The following BABAM2 variants were observed in gnomAD, a reference collection of about 807,000 sequenced individuals.
BABAM2 encodes BRISC and BRCA1 A complex member 2, also known as BRISC and BRCA1-A complex member 2.
In BABAM2, 31 loss-of-function variants were observed where a neutral mutation model predicts 54.7. That is an observed-to-expected ratio of 0.57 (90% CI 0.43 to 0.77). BABAM2 has a LOEUF of 0.77. Ranked by LOEUF, BABAM2 falls within the 30% of genes least tolerant of loss-of-function variation. The pLI is 0.00. For synonymous variants in BABAM2, 167 were observed against 162.9 expected, an observed-to-expected ratio of 1.03 and a Z score of -0.19; for missense variants, 364 against 455.8, an observed-to-expected ratio of 0.80 and a Z score of 1.83.
intron 7 of BABAM2, among the ~76,000 whole-genome samples, chr2:28,210,917 C>T (rs1679387834): frequency 6.6e-6 from 1 of 152,148 alleles, no homozygotes; most frequent in African/African-American, 2.4e-5. Flanking sequence ...AATTTTGGAA[C>T]AGAAAAATAA....
intron 7 of BABAM2, among the ~76,000 whole-genome samples, chr2:28,170,793 A>G (rs1674233299): frequency 6.6e-6 from 1 of 152,218 alleles, no homozygotes; most frequent in South Asian, 2.1e-4. Flanking sequence ...GCTAGAATGG[A>G]AAAGAATTTA....
intron 7 of BABAM2, among the ~76,000 whole-genome samples, chr2:28,199,757 G>A (rs747215931): frequency 3.9e-5 from 6 of 152,030 alleles, no homozygotes; most frequent in Non-Finnish European, 7.4e-5. Flanking sequence ...GGGCAGCAGT[G>A]GAAGTTTGAA....
At chr2:28,043,675 C>T (rs192238459) in intron 5 of BABAM2, among the ~76,000 whole-genome samples, 1 of 152,296 alleles carries the variant, frequency 6.6e-6, no homozygotes, top group East Asian at 1.9e-4. Flanking sequence ...AAGAACCACA[C>T]TTACCAGAGT....
At chr2:28,142,272 T>G (rs577099339) in intron 7 of BABAM2, among the ~76,000 whole-genome samples, 1 of 152,170 alleles carries the variant, frequency 6.6e-6, no homozygotes, top group Admixed American at 6.5e-5. Flanking sequence ...GGGAAGCCTT[T>G]AGTTTAAAAC....
chr2:28,014,025 CAA>C (rs1053809122), intron 4 of BABAM2, among the ~76,000 whole-genome samples: 6 of 152,038 alleles, frequency 3.9e-5, no homozygotes, highest in Admixed American at 1.3e-4. Flanking sequence ...GTCTTAAAAA[CAA>C]AAACTGAAAG....
At chr2:27,979,426 G>A (rs1034622116) in intron 3 of BABAM2, among the ~76,000 whole-genome samples, 3 of 151,938 alleles carry the variant, frequency 2.0e-5, no homozygotes, top group African/African-American at 7.3e-5. Context: ...ATGAACATAT[G>A]AGTATATGTG....
chr2:28,229,927 A>C (rs549796971), intron 7 of BABAM2, among the ~76,000 whole-genome samples: 2 of 152,298 alleles, frequency 1.3e-5, no homozygotes, highest in African/African-American at 2.4e-5. Context: ...TGTATTTTTA[A>C]AGTTATTTAA....
intron 10 of BABAM2, among the ~76,000 whole-genome samples, chr2:28,270,505 A>G (rs1320644111): frequency 2.0e-5 from 3 of 152,226 alleles, no homozygotes; most frequent in Non-Finnish European, 4.4e-5. Context: ...TCTGGCACCT[A>G]TGTGCACACT....
intron 2 of BABAM2, among the ~76,000 whole-genome samples, chr2:27,909,065 C>G (rs142962510): frequency 3.3e-5 from 5 of 151,928 alleles, no homozygotes; most frequent in African/African-American, 1.2e-4. Context: ...TTTTTTGAGA[C>G]AGAGTCTCAC....
At chr2:28,245,048 A>G (rs1682791200) in intron 10 of BABAM2, among the ~76,000 whole-genome samples, 186 bp downstream of exon 10, 1 of 152,062 alleles carries the variant, frequency 6.6e-6, no homozygotes, top group African/African-American at 2.4e-5. Context: ...CCACTGGAGC[A>G]ATTTTGCACC....
chr2:28,211,607 T>C (rs1679466941), intron 7 of BABAM2, among the ~76,000 whole-genome samples: 1 of 152,096 alleles, frequency 6.6e-6, no homozygotes, highest in African/African-American at 2.4e-5. Context: ...CAGGCTGGTC[T>C]TGAACTCCTG....
intron 4 of BABAM2, among the ~76,000 whole-genome samples, chr2:28,001,272 C>T (rs759241568): frequency 1.3e-5 from 2 of 152,204 alleles, no homozygotes; most frequent in African/African-American, 4.8e-5. Context: ...TATGTACTGA[C>T]GTCTGCCTTC....
intron 2 of BABAM2, among the ~76,000 whole-genome samples, chr2:27,917,080 C>T (rs965073541): frequency 2.0e-5 from 3 of 147,408 alleles, no homozygotes; most frequent in Admixed American, 6.8e-5. Flanking sequence ...TGCAGTGGCA[C>T]GATCTCGGCT....
chr2:28,163,748 G>T (rs550056650), intron 7 of BABAM2, among the ~76,000 whole-genome samples: 1 of 152,276 alleles, frequency 6.6e-6, no homozygotes, highest in South Asian at 2.1e-4. Context: ...AGATCGGCTG[G>T]GCTGATGGAG....
chr2:28,200,671 C>T (rs1385448639), intron 7 of BABAM2, among the ~76,000 whole-genome samples: 1 of 152,186 alleles, frequency 6.6e-6, no homozygotes, highest in East Asian at 1.9e-4. Context: ...CTTAACCTTC[C>T]CAAAAATAGA....
chr2:28,087,226 G>C (rs1476266936), intron 6 of BABAM2, among the ~76,000 whole-genome samples: 9 of 152,172 alleles, frequency 5.9e-5, no homozygotes, highest in Admixed American at 4.6e-4. Flanking sequence ...TTGGCTCCTG[G>C]AGGCCAAGGA....
At chr2:28,187,957 T>C (rs1020514169) in intron 7 of BABAM2, among the ~76,000 whole-genome samples, 2 of 152,170 alleles carry the variant, frequency 1.3e-5, no homozygotes, top group Admixed American at 1.3e-4. Flanking sequence ...TGTGAGCCAC[T>C]GCACCTGGAC....
chr2:28,211,271 A>C (rs1679422840), intron 7 of BABAM2, among the ~76,000 whole-genome samples: 1 of 152,050 alleles, frequency 6.6e-6, no homozygotes. Context: ...TTTGATTGAG[A>C]GTTTTCAAGC....
At chr2:28,309,916 A>G (rs1487166323) in intron 11 of BABAM2, 2 of 650,070 alleles carry the variant, frequency 3.1e-6, no homozygotes, top group South Asian at 1.9e-5. Context: ...AAGGCCTTCC[A>G]TTCCGCACGA....
Sources: gnomAD v4.1 joint callset for allele counts (sites outside exome capture counted in the v4.1 genomes callset) on GRCh38, gnomAD v4.1.1 for gene constraint, MANE v1.5 for transcripts, NCBI Gene and HGNC (gene_info 2026-07-23, HGNC 2026-07-21) for gene names.